Variants in PROCR observed in about 807,000 individuals in gnomAD.
The protein encoded by PROCR is endothelial protein C receptor.
Under a neutral mutation model 24.2 loss-of-function variants are expected in PROCR, and 22 were observed. The observed-to-expected ratio is 0.91, with a 90% CI of 0.65 to 1.30. The LOEUF (loss-of-function observed/expected upper bound fraction) is 1.30, where lower values mean the gene tolerates loss of function less well. Among genes scored for constraint, PROCR ranks in the 50% most tolerant of loss-of-function variants. PROCR has a pLI of 0.00. For missense variants in PROCR, 288 were observed against 307.7 expected, an observed-to-expected ratio of 0.94 and a Z score of 0.48; for synonymous variants, 137 against 139.2, an observed-to-expected ratio of 0.98 and a Z score of 0.11.
chr20:35,188,040 A>G lies in PROCR; in HGVS notation c.94+11594A>G, dbSNP rs566839838. ...AACAAATGACTCCCTGGCATATTCTAAAAGTATCCTTCTGGGTGGCTTGGC... is the reference window on the plus strand; with the variant it reads ...AACAAATGACTCCCTGGCATATTCTGAAAGTATCCTTCTGGGTGGCTTGGC... On this transcript the variant is annotated intron_variant, in intron 1 of 1. Coordinates refer to the PROCR transcript ENST00000634509. 2.0e-5 allele frequency among the ~76,000 whole-genome samples: 3 copies of G among 152,350 alleles called. No individual in the cohort carries two copies. In the East Asian group the frequency reaches 5.8e-4, roughly 29 times the overall value.
At chr20:35,183,621 G>A (rs1445586915) in intron 1 of PROCR, among the ~76,000 whole-genome samples, 4 of 152,140 alleles carry the variant, frequency 2.6e-5, no homozygotes, top group Non-Finnish European at 5.9e-5. Flanking sequence ...TCAGAGCTAG[G>A]ATTCAAACCC....
intron 2 of PROCR, 60 bp downstream of exon 2, chr20:35,175,013 G>T (rs1384920417): frequency 7.2e-6 from 9 of 1,252,684 alleles, no homozygotes; most frequent in South Asian, 1.7e-5. Context: ...GGGGCCTGGC[G>T]GGTGGGGGCG....
At chr20:35,203,293 T>A (rs1255164159) in intron 1 of PROCR, 2 of 149,390 alleles carry the variant, frequency 1.3e-5, no homozygotes, top group Admixed American at 6.7e-5. Context: ...AATAGAAAAC[T>A]CCCCCAGCCT....
intron 1 of PROCR, among the ~76,000 whole-genome samples, chr20:35,200,492 T>C (rs1388166517): frequency 6.6e-6 from 1 of 152,174 alleles, no homozygotes; most frequent in Non-Finnish European, 1.5e-5. Context: ...CTGATGATTG[T>C]TCAGATTTTT....
intron 1 of PROCR, among the ~76,000 whole-genome samples, chr20:35,213,537 T>G (rs1196655278): frequency 2.0e-5 from 3 of 152,154 alleles, no homozygotes; most frequent in Non-Finnish European, 4.4e-5. Context: ...AGGCCTGAAT[T>G]TTTGAAACCT....
At chr20:35,178,059 T>A (rs910194792), downstream of PROCR, among the ~76,000 whole-genome samples, 2 of 152,134 alleles carry the variant, frequency 1.3e-5, no homozygotes, top group African/African-American at 4.8e-5. Flanking sequence ...CTGCAAATAC[T>A]ATCTACCTGT....
At chr20:35,188,879 A>G (rs1361506095) in intron 1 of PROCR, among the ~76,000 whole-genome samples, 3 of 152,214 alleles carry the variant, frequency 2.0e-5, no homozygotes, top group African/African-American at 7.2e-5. Context: ...TAAATTGTGA[A>G]GATTTCATGG....
At chr20:35,205,257 A>G (rs1020460703) in intron 1 of PROCR, among the ~76,000 whole-genome samples, 4 of 146,136 alleles carry the variant, frequency 2.7e-5, no homozygotes, top group Admixed American at 7.3e-5. Flanking sequence ...TGGGGGACAG[A>G]GCAAGACTCC....
At chr20:35,205,198 G>A (rs1171510531) in intron 1 of PROCR, among the ~76,000 whole-genome samples, 4 of 151,440 alleles carry the variant, frequency 2.6e-5, no homozygotes, top group African/African-American at 4.9e-5. Flanking sequence ...GCTTGAACCC[G>A]GGAGGTGGAA....
chr20:35,211,612 GGTAAT>G (rs2146182248), intron 1 of PROCR, among the ~76,000 whole-genome samples: 1 of 152,260 alleles, frequency 6.6e-6, no homozygotes, highest in Admixed American at 6.5e-5. Context: ...CCATGTGCTA[GGTAAT>G]GTATGAGGTG....
chr20:35,194,561 G>GAAAGAGCTAGAGA (rs2086200368), intron 1 of PROCR, among the ~76,000 whole-genome samples: 1 of 152,176 alleles, frequency 6.6e-6, no homozygotes, highest in African/African-American at 2.4e-5. Context: ...CTCTAGGGAG[G>GAAAGAGCTAGAGA]AAAGAGCTAG....
intron 2 of PROCR, among the ~76,000 whole-genome samples, chr20:35,175,260 TCA>T (rs2086000242): frequency 1.3e-5 from 2 of 151,546 alleles, no homozygotes; most frequent in African/African-American, 4.8e-5. Flanking sequence ...ACCCCTCGCC[TCA>T]CAGTCCTCCA....
intron 1 of PROCR, among the ~76,000 whole-genome samples, chr20:35,172,826 G>T (rs545579117): frequency 6.6e-6 from 1 of 152,152 alleles, no homozygotes; most frequent in Admixed American, 6.5e-5. Context: ...ATTGCACAGG[G>T]GCCTCCTTTC....
intron 1 of PROCR, among the ~76,000 whole-genome samples, chr20:35,195,910 G>A (rs2086211979): frequency 6.6e-6 from 1 of 151,620 alleles, no homozygotes; most frequent in South Asian, 2.1e-4. Context: ...TCTGGGCACA[G>A]TGGCTCATGC....
chr20:35,187,788 G>A (rs1240097502), intron 1 of PROCR, among the ~76,000 whole-genome samples: 1 of 152,194 alleles, frequency 6.6e-6, no homozygotes, highest in African/African-American at 2.4e-5. Flanking sequence ...CTGAGAGGGA[G>A]TTTGTAATCT....
chr20:35,200,118 GT>G (rs969279858), intron 1 of PROCR, among the ~76,000 whole-genome samples: 3 of 152,190 alleles, frequency 2.0e-5, no homozygotes, highest in Non-Finnish European at 2.9e-5. Context: ...AACAAAGAAA[GT>G]GGTTTGTCAA....
At chr20:35,195,620 A>C (rs1039326956) in intron 1 of PROCR, among the ~76,000 whole-genome samples, 14 of 152,150 alleles carry the variant, frequency 9.2e-5, no homozygotes, top group Admixed American at 1.3e-4. Flanking sequence ...CACGAGTTTG[A>C]GACCAGCCTG....
intron 1 of PROCR, 98 bp downstream of exon 1, chr20:35,172,322 T>C (rs2085959404): frequency 1.4e-6 from 2 of 1,421,262 alleles, no homozygotes; most frequent in Non-Finnish European, 2.0e-6. Context: ...TCTCACAGCA[T>C]CTGTGTCTGC....
chr20:35,214,826 G>A (rs369421995), intron 1 of PROCR, among the ~76,000 whole-genome samples: 83 of 152,068 alleles, frequency 5.5e-4, no homozygotes, highest in African/African-American at 1.9e-3. Context: ...CTGAGTCGGG[G>A]GATTGGACTG....
Sources: gnomAD v4.1 joint callset for allele counts (sites outside exome capture counted in the v4.1 genomes callset) on GRCh38, gnomAD v4.1.1 for gene constraint, MANE v1.5 for transcripts, NCBI Gene and HGNC (gene_info 2026-07-23, HGNC 2026-07-21) for gene names.